Variants in CDH19 observed in about 807,000 individuals in gnomAD.
CDH19 encodes the protein cadherin-19.
Under a neutral mutation model 64.2 loss-of-function variants are expected in CDH19, and 67 were observed. The observed-to-expected ratio is 1.04, with a 90% CI of 0.86 to 1.28. The LOEUF (loss-of-function observed/expected upper bound fraction) is 1.28, where lower values mean the gene tolerates loss of function less well. CDH19 is among the 50% of genes most tolerant of loss of function. The probability of loss-of-function intolerance (pLI) is 0.00; values close to 1 mark genes in which losing one functional copy is unlikely to be tolerated. For missense variants in CDH19, 1,030 were observed against 929.0 expected, an observed-to-expected ratio of 1.11 and a Z score of -1.41; for synonymous variants, 346 against 319.3, an observed-to-expected ratio of 1.08 and a Z score of -0.89.
At chr18:66,578,552 G>A (rs1043265639) in intron 1 of CDH19, among the ~76,000 whole-genome samples, 23 of 151,784 alleles carry the variant, frequency 1.5e-4, no homozygotes, top group Admixed American at 1.3e-3. Flanking sequence ...TGACTATTTA[G>A]AAAACAGTTC....
At chr18:66,548,274 TATATA>T (rs1568191855) in intron 5 of CDH19, among the ~76,000 whole-genome samples, 1 of 140,894 alleles carries the variant, frequency 7.1e-6, no homozygotes, top group African/African-American at 2.7e-5. Flanking sequence ...TTTTTAAAAA[TATATA>T]ATATATGAAG....
chr18:66,539,939 C>T (rs973137890), intron 7 of CDH19, among the ~76,000 whole-genome samples: 2 of 151,866 alleles, frequency 1.3e-5, no homozygotes, highest in African/African-American at 4.8e-5. Flanking sequence ...CTTTTAATAT[C>T]TTTGGATTCT....
rs1282949552 is a variant in CDH19 at position 66,551,226 on chromosome 18, C to A, written c.643G>T (p.Glu215Ter). The change falls in exon 5 of 12, where the codon GAA (glutamate) becomes TAA (stop). Residue 215 changes from glutamate (E) to a stop codon, truncating the protein, a stop_gained. Coordinates refer to ENST00000262150, the MANE Select transcript of CDH19 (RefSeq NM_021153.4). LOFTEE classifies it high-confidence loss of function. ...ATTACCCAATACTCATCTTGCAGTT[C>A]TCTATCCATTTTAGAAGATATTCTT... is the stretch of plus-strand genomic sequence containing the variant. ...VIRISSKMDR[E>*]LQDEYWVIIQ... 1 of 1,552,482 alleles carries A rather than the reference C, an allele frequency of 6.4e-7. No individual in the cohort carries two copies. The highest frequency in any genetic ancestry group is 2.3e-5 in the East Asian group (1 of 44,400).
At chr18:66,593,499 T>C (rs1988800447) in intron 1 of CDH19, among the ~76,000 whole-genome samples, 1 of 152,016 alleles carries the variant, frequency 6.6e-6, no homozygotes, top group Admixed American at 6.6e-5. Flanking sequence ...GGCAAAGATA[T>C]TTGGAGACTT....
At chr18:66,513,963 T>G (rs1409733603) in intron 9 of CDH19, among the ~76,000 whole-genome samples, 2 of 151,600 alleles carry the variant, frequency 1.3e-5, no homozygotes, top group Non-Finnish European at 3.0e-5. Context: ...AAATACATTG[T>G]GTAAGCCCCA....
At chr18:66,508,267 G>T (rs781206922) in intron 11 of CDH19, among the ~76,000 whole-genome samples, 1 of 151,840 alleles carries the variant, frequency 6.6e-6, no homozygotes, top group Non-Finnish European at 1.5e-5. Context: ...AGAGACATTG[G>T]TCAAAAGACA....
intron 1 of CDH19, among the ~76,000 whole-genome samples, chr18:66,585,501 G>C (rs922537244): frequency 2.6e-5 from 4 of 151,984 alleles, no homozygotes; most frequent in African/African-American, 4.8e-5. Context: ...GAAAATTGAG[G>C]ATAATTATTA....
intron 3 of CDH19, among the ~76,000 whole-genome samples, chr18:66,554,964 T>C (rs181052332): frequency 6.6e-6 from 1 of 151,972 alleles, no homozygotes; most frequent in East Asian, 1.9e-4. Context: ...ACAAAGATTA[T>C]TGAATTGAGC....
chr18:66,506,501 C>G (rs1298977790), intron 11 of CDH19, among the ~76,000 whole-genome samples: 1 of 151,910 alleles, frequency 6.6e-6, no homozygotes, highest in African/African-American at 2.4e-5. Context: ...TGGTTCAGAG[C>G]CTGTTTTCTG....
At chr18:66,570,624 T>C (rs1988070880) in intron 2 of CDH19, among the ~76,000 whole-genome samples, 1 of 151,748 alleles carries the variant, frequency 6.6e-6, no homozygotes, top group Non-Finnish European at 1.5e-5. Flanking sequence ...CATTCATTAT[T>C]GTTCTTTTTG....
rs116586793 is a variant in CDH19, at chr18:66,504,997, C to T, written c.2134G>A (p.Ala712Thr). The change falls in exon 12 of 12, where the codon GCC becomes ACC. Residue 712 changes from alanine to threonine, a missense_variant. Ala to Thr is a moderately conservative substitution (Grantham distance 58). Transcript: ENST00000262150. The stretch of plus-strand genomic sequence containing the variant: ...GTCTGGAGGGAATCAAAAGGAGGGG[C>T]ACACGGATCAGTATTAGCTTCTTCG... ...KLEEANTDPCAPPFDSLQTYA... is the reference protein window; with the variant it reads ...KLEEANTDPCTPPFDSLQTYA... 1,464 of 1,613,510 alleles carry T rather than the reference C, an allele frequency of 9.1e-4. 15 individuals are homozygous for T. In the African/African-American group the frequency reaches 0.017, roughly 19 times the overall value.
chr18:66,524,891 C>G (rs1432086704), intron 9 of CDH19, among the ~76,000 whole-genome samples: 1 of 152,060 alleles, frequency 6.6e-6, no homozygotes, highest in Non-Finnish European at 1.5e-5. Flanking sequence ...TGCCACCTTT[C>G]TCTTTACTAT....
chr18:66,521,263 A>T (rs1985969406), intron 9 of CDH19, among the ~76,000 whole-genome samples: 1 of 152,124 alleles, frequency 6.6e-6, no homozygotes, highest in Non-Finnish European at 1.5e-5. Flanking sequence ...CAGTACTCTT[A>T]CCTGGTTAAA....
intron 1 of CDH19, among the ~76,000 whole-genome samples, chr18:66,581,893 C>T (rs528506027): frequency 6.6e-6 from 1 of 152,138 alleles, no homozygotes; most frequent in East Asian, 1.9e-4. Context: ...CTAAAGAACC[C>T]TAATACAATA....
At chr18:66,562,681 C>T (rs1987766916) in intron 3 of CDH19, among the ~76,000 whole-genome samples, 2 of 152,010 alleles carry the variant, frequency 1.3e-5, no homozygotes, top group South Asian at 2.1e-4. Flanking sequence ...ATTGCATTTA[C>T]TGATATATTT....
At chr18:66,523,300 C>T (rs1986072633) in intron 9 of CDH19, among the ~76,000 whole-genome samples, 1 of 152,122 alleles carries the variant, frequency 6.6e-6, no homozygotes, top group Non-Finnish European at 1.5e-5. Context: ...GCTATAATAT[C>T]AGAGCAATCA....
intron 1 of CDH19, among the ~76,000 whole-genome samples, chr18:66,572,598 A>T (rs1988141261): frequency 6.6e-6 from 1 of 151,588 alleles, no homozygotes. Context: ...TTGACAGCTG[A>T]CATTGAGATA....
rs139394882 is a variant in CDH19, at chr18:66,592,002, C to T, written c.-113+11952G>A. 7.2e-3 allele frequency among the ~76,000 whole-genome samples: 1,093 copies of T among 151,944 alleles called. 13 individuals carry two copies. Among genetic ancestry groups the T allele is most frequent in the African/African-American group, 0.025 (1,034 of 41,520 alleles). ...CTTTCTATTCACTCTTCCACCTAAT[C>T]GTTATGTTCCTTCTTTCCCTTAATG... On this transcript the variant is annotated intron_variant, in intron 1 of 11. Coordinates refer to ENST00000262150, the MANE Select transcript of CDH19 (RefSeq NM_021153.4).
intron 9 of CDH19, among the ~76,000 whole-genome samples, chr18:66,520,487 A>T (rs545356204): frequency 2.0e-5 from 3 of 151,962 alleles, no homozygotes; most frequent in South Asian, 2.1e-4. Context: ...ATATTGTATA[A>T]TTTTTTCTTT....
Sources: gnomAD v4.1 joint callset for allele counts (sites outside exome capture counted in the v4.1 genomes callset) on GRCh38, gnomAD v4.1.1 for gene constraint, MANE v1.5 for transcripts, NCBI Gene and HGNC (gene_info 2026-07-23, HGNC 2026-07-21) for gene names.